The following SLF1 variants were observed in gnomAD, a reference collection of about 807,000 sequenced individuals.
The protein encoded by SLF1 is SMC5/6 complex localization factor 1, also known as SMC5-SMC6 complex localization factor protein 1.
Under a neutral mutation model 123.0 loss-of-function variants are expected in SLF1, and 105 were observed. The observed-to-expected ratio is 0.85, with a 90% CI of 0.73 to 1.00. The LOEUF (loss-of-function observed/expected upper bound fraction) is 1.00, where lower values mean the gene tolerates loss of function less well. Among genes scored for constraint, SLF1 ranks in the 50% least tolerant of loss-of-function variants. The probability of loss-of-function intolerance (pLI) is 0.00; values close to 1 mark genes in which losing one functional copy is unlikely to be tolerated. For synonymous variants in SLF1, 434 were observed against 406.6 expected, an observed-to-expected ratio of 1.07 and a Z score of -0.81; for missense variants, 1,239 against 1,223.0, an observed-to-expected ratio of 1.01 and a Z score of -0.20.
At chr5:94,650,018 G>T (rs1304554615) in intron 6 of SLF1, among the ~76,000 whole-genome samples, 1 of 152,000 alleles carries the variant, frequency 6.6e-6, no homozygotes, top group Admixed American at 6.6e-5. Context: ...TGATTAACTT[G>T]TAAAACAATA....
rs1331539327 is a variant in SLF1, at chr5:94,666,032, A to G, written c.1532+8A>G. On this transcript the variant is annotated splice_region_variant and intron_variant, in intron 12 of 20. Transcript: ENST00000265140. ...AGTAGAAGTCCTTATCAGGTAAGGA[A>G]TTTCACATTTGACGATGCTACATTT... is the stretch of plus-strand genomic sequence containing the variant. The G allele has an allele frequency of 6.5e-7, 1 of 1,538,876 alleles. No homozygotes were observed. Among genetic ancestry groups the G allele is most frequent in the Non-Finnish European group, 8.8e-7 (1 of 1,141,728 alleles).
chr5:94,622,155 T>C (rs528511490), intron 1 of SLF1, among the ~76,000 whole-genome samples: 9 of 152,280 alleles, frequency 5.9e-5, no homozygotes, highest in Admixed American at 2.0e-4. Context: ...CAAACAGAGA[T>C]CCAACACTTG....
At chr5:94,627,953 C>A (rs375868167) in intron 1 of SLF1, among the ~76,000 whole-genome samples, 32 of 151,936 alleles carry the variant, frequency 2.1e-4, no homozygotes, top group East Asian at 1.4e-3. Context: ...CCTCAGCCTC[C>A]CGAGTAGCTG....
chr5:94,677,875 T>C (rs1214311164), intron 14 of SLF1, among the ~76,000 whole-genome samples: 2 of 152,126 alleles, frequency 1.3e-5, no homozygotes, highest in Admixed American at 6.5e-5. Context: ...ACATTTCTTA[T>C]AAGAATTTAA....
chr5:94,634,835 A>G (rs150897328), intron 4 of SLF1, among the ~76,000 whole-genome samples: 1 of 152,236 alleles, frequency 6.6e-6, no homozygotes, highest in East Asian at 1.9e-4. Context: ...TCTGTTGGCC[A>G]TTTGTTTATC....
chr5:94,684,775 A>G (rs1026037291), intron 15 of SLF1, among the ~76,000 whole-genome samples: 1 of 151,756 alleles, frequency 6.6e-6, no homozygotes, highest in Admixed American at 6.6e-5. Flanking sequence ...CAGTGATAAT[A>G]TATCTGTTTG....
At position 94,665,898 on chromosome 5, in the gene SLF1, T is replaced by C; in HGVS notation, c.1406T>C (p.Ile469Thr). The change falls in exon 12 of 21, where the codon ATA (isoleucine) becomes ACA (threonine). Residue 469 changes from isoleucine to threonine, a missense_variant. By Grantham distance (89) the Ile-to-Thr change is moderately conservative. Transcript: ENST00000265140. Reference sequence around the variant, plus strand: ...ACATTTTCTGGTCGATACTTTCATATATTGTCAGCTCTTCTTCACCTGCAT... The same window carrying C: ...ACATTTTCTGGTCGATACTTTCATACATTGTCAGCTCTTCTTCACCTGCAT... ...IDTFSGRYFH[I>T]LSALLHLHPP... is the part of the protein sequence containing the mutation. The C allele has an allele frequency of 6.5e-7, 1 of 1,548,926 alleles. No homozygotes were observed. The highest frequency in any genetic ancestry group is 8.7e-7 in the Non-Finnish European group (1 of 1,144,416).
intron 14 of SLF1, 41 bp from the exon 15 acceptor site, chr5:94,678,767 T>C (rs1169639963): frequency 6.6e-7 from 1 of 1,506,508 alleles, no homozygotes; most frequent in Non-Finnish European, 9.1e-7. Context: ...AAATTCAATA[T>C]TGTAATATAT....
intron 1 of SLF1, among the ~76,000 whole-genome samples, chr5:94,621,647 C>T (rs1235865365): frequency 6.6e-6 from 1 of 152,216 alleles, no homozygotes; most frequent in African/African-American, 2.4e-5. Context: ...AAATTAACAT[C>T]TGCCCAGCCT....
At chr5:94,675,715 G>A (rs962930464) in intron 14 of SLF1, among the ~76,000 whole-genome samples, 1 of 151,996 alleles carries the variant, frequency 6.6e-6, no homozygotes, top group Non-Finnish European at 1.5e-5. Context: ...CAACAACTTT[G>A]GCAGGATCTT....
chr5:94,676,867 A>G (rs938604210), intron 14 of SLF1, among the ~76,000 whole-genome samples: 2 of 152,232 alleles, frequency 1.3e-5, no homozygotes, highest in Non-Finnish European at 2.9e-5. Flanking sequence ...AGCTAGAGCT[A>G]TTAGATATGG....
chr5:94,631,328 A>C (rs1238901107), intron 4 of SLF1, among the ~76,000 whole-genome samples: 1 of 152,128 alleles, frequency 6.6e-6, no homozygotes, highest in Non-Finnish European at 1.5e-5. Context: ...GGACAAATTG[A>C]TGCACCCATG....
chr5:94,643,299 T>A lies in SLF1; in HGVS notation c.458T>A (p.Val153Asp). ...IRVLEAGKAN[V>D]ILPKSSPSGI... is the part of the protein sequence containing the mutation. ...GTTTTGGAGGCTGGAAAGGCAAATGTTATTTTACCAAAAAGTTCACCAAGT... is the reference window on the plus strand; with the variant it reads ...GTTTTGGAGGCTGGAAAGGCAAATGATATTTTACCAAAAAGTTCACCAAGT... The change falls in exon 5 of 21, where the codon GTT (valine) becomes GAT (aspartate). Residue 153 changes from valine (V) to aspartate (D), a missense_variant. Transcript: ENST00000265140. The A allele has an allele frequency of 6.5e-7, 1 of 1,541,268 alleles. No homozygotes were observed. Among genetic ancestry groups the A allele is most frequent in the East Asian group, 2.5e-5 (1 of 40,608 alleles).
intron 14 of SLF1, among the ~76,000 whole-genome samples, chr5:94,674,094 CTTT>C (rs569242758): frequency 6.6e-6 from 1 of 152,054 alleles, no homozygotes; most frequent in Non-Finnish European, 1.5e-5. Context: ...TACCATCTGT[CTTT>C]TTATTTACTT....
rs1184700494 is a variant in SLF1, at chr5:94,654,684, G to A, written c.1087G>A (p.Ala363Thr). The A allele has an allele frequency of 1.3e-6, 2 of 1,544,960 alleles. No homozygotes were observed. The highest frequency in any genetic ancestry group is 4.9e-5 in the East Asian group (2 of 40,474). The change falls in exon 9 of 21, where the codon GCT becomes ACT. Residue 363 changes from alanine (A) to threonine (T), a missense_variant. Transcript: ENST00000265140. ...ATATGCCAAAGAATCAAAAGCCATGGCTATTAAGACAGATGTGGATGTTGT... is the reference window on the plus strand; with the variant it reads ...ATATGCCAAAGAATCAAAAGCCATGACTATTAAGACAGATGTGGATGTTGT... ...AEYAKESKAM[A>T]IKTDVDVVEI...
intron 12 of SLF1, among the ~76,000 whole-genome samples, chr5:94,667,709 C>T (rs915359783): frequency 2.6e-5 from 4 of 152,066 alleles, no homozygotes; most frequent in Non-Finnish European, 2.9e-5. Context: ...CTGTCTTTTG[C>T]TCTTATGTTT....
At chr5:94,673,248 G>A (rs573780925) in intron 14 of SLF1, among the ~76,000 whole-genome samples, 97 of 152,142 alleles carry the variant, frequency 6.4e-4, no homozygotes, top group South Asian at 5.4e-3. Context: ...GGCGAAGTCA[G>A]GTATCTGAGT....
At chr5:94,649,914 G>A (rs924407803) in intron 6 of SLF1, among the ~76,000 whole-genome samples, 44 of 152,142 alleles carry the variant, frequency 2.9e-4, no homozygotes, top group African/African-American at 1.0e-3. Flanking sequence ...GTCTTATAAA[G>A]CATTTTTCTT....
chr5:94,655,009 C>T (rs765666796), intron 9 of SLF1, among the ~76,000 whole-genome samples: 11 of 152,142 alleles, frequency 7.2e-5, no homozygotes, highest in Non-Finnish European at 1.2e-4. Context: ...AAATTCTTTG[C>T]CTACATCAAT....
Sources: allele counts gnomAD v4.1 joint callset (sites outside exome capture counted in the v4.1 genomes callset), GRCh38; gene constraint gnomAD v4.1.1; transcripts MANE v1.5; gene names NCBI Gene and HGNC (gene_info 2026-07-23, HGNC 2026-07-21).